SI: variants seen among roughly 807,000 people sequenced by gnomAD.
SI encodes sucrase-isomaltase, intestinal.
A neutral mutation model predicts 253.3 loss-of-function variants in SI; 235 were observed. The observed-to-expected ratio is 0.93, with a 90% CI of 0.83 to 1.03. The LOEUF (loss-of-function observed/expected upper bound fraction) is 1.03, where lower values mean the gene tolerates loss of function less well. Among genes scored for constraint, SI ranks in the 50% least tolerant of loss-of-function variants. The pLI is 0.00. For synonymous variants in SI, 819 were observed against 712.0 expected (o/e 1.15, Z -2.39); for missense variants, 2,442 against 2,211.1 (o/e 1.10, Z -2.09).
chr3:165,040,598 T>C (rs1241999070), intron 18 of SI, among the ~76,000 whole-genome samples: 9 of 152,058 alleles, frequency 5.9e-5, no homozygotes, highest in African/African-American at 1.9e-4. Flanking sequence ...TTTTGTAAGT[T>C]TTATACTCTA....
intron 37 of SI, among the ~76,000 whole-genome samples, chr3:165,003,151 A>G (rs1718335501): frequency 6.6e-6 from 1 of 151,912 alleles, no homozygotes; most frequent in Non-Finnish European, 1.5e-5. Flanking sequence ...TAAATTTACT[A>G]AGCATCCACA....
intron 23 of SI, 121 bp from the exon 24 acceptor site, chr3:165,032,813 C>T (rs1028893755): frequency 1.3e-4 from 82 of 614,916 alleles, no homozygotes; most frequent in Middle Eastern, 3.9e-4. Context: ...ACCAGCTCTC[C>T]TCATCCAAGT....
rs59796544 is a variant in SI, at chr3:165,073,170, T to TTCTCTC, written c.255+1355_255+1360dup. 7.3e-4 allele frequency among the ~76,000 whole-genome samples: 97 copies of TTCTCTC among 132,008 alleles called. 1 individual carries two copies. The highest frequency in any genetic ancestry group is 1.8e-3 in the African/African-American group (62 of 33,766). The allele number at this position is 132,008 out of a possible 152,430, so 86.6% of individuals were successfully genotyped here. On this transcript the variant is annotated intron_variant, in intron 3 of 47. Coordinates refer to ENST00000264382, the MANE Select transcript of SI (RefSeq NM_001041.4). ...GAATTCTATGTTTAGCTTCAATCAT[T>TTCTCTC]TCTCTCTCTCTCTCTCTCTCTCTCT... is the stretch of plus-strand genomic sequence containing the variant.
intron 3 of SI, among the ~76,000 whole-genome samples, chr3:165,070,127 A>ATT (rs1472442750): frequency 6.8e-6 from 1 of 146,754 alleles, no homozygotes; most frequent in African/African-American, 2.5e-5. Context: ...TTAAATAGAT[A>ATT]AGTATATGGG....
chr3:165,037,755 A>T, intron 21 of SI, 145 bp downstream of exon 21: 2 of 512,406 alleles, frequency 3.9e-6, no homozygotes, highest in Non-Finnish European at 7.0e-6. Context: ...TTTTATAGCT[A>T]TGATGGTTAT....
In SI at chr3:165,067,450, C is replaced by G. The variant is rs1206066157; in HGVS notation, c.525G>C (p.Gln175His). 3 of 1,611,616 alleles carry G rather than the reference C, an allele frequency of 1.9e-6. No homozygotes were observed. The highest frequency in any genetic ancestry group is 2.5e-6 in the Non-Finnish European group (3 of 1,178,004). ...TGGGTCCAGTAAACTCTTTTACATA[C>G]TGATGAGGAACTTCATATCTTCTAT... ...PNNRRYEVPH[Q>H]YVKEFTGPTV... Residue 175 changes from glutamine (Q) to histidine (H), a missense_variant, in exon 6 of 48, where the codon CAG becomes CAC. Transcript: ENST00000264382.
intron 21 of SI, 105 bp from the exon 22 acceptor site, chr3:165,036,582 T>G: frequency 1.4e-6 from 1 of 717,438 alleles, no homozygotes; most frequent in South Asian, 1.6e-5. Flanking sequence ...GGGCCCTGAA[T>G]TCAGTAAGGA....
At chr3:164,995,320 A>G (rs537291625) in intron 40 of SI, among the ~76,000 whole-genome samples, 1 of 151,858 alleles carries the variant, frequency 6.6e-6, no homozygotes, top group East Asian at 1.9e-4. Flanking sequence ...GCTGTATGTA[A>G]TCCTATTGCT....
chr3:165,057,019 A>T (rs541113463), intron 12 of SI, among the ~76,000 whole-genome samples: 10 of 152,198 alleles, frequency 6.6e-5, no homozygotes, highest in Middle Eastern at 6.8e-3. Flanking sequence ...AATCCTGGAA[A>T]GACAGAGATG....
At chr3:165,043,214 T>C (rs1433852048) in intron 16 of SI, 39 bp from the exon 17 acceptor site, 2 of 1,413,862 alleles carry the variant, frequency 1.4e-6, no homozygotes, top group Admixed American at 3.4e-5. Flanking sequence ...AATGTTAAGA[T>C]TCTCAAATTT....
intron 12 of SI, among the ~76,000 whole-genome samples, chr3:165,055,740 G>A (rs1320725939): frequency 6.6e-6 from 1 of 151,954 alleles, no homozygotes; most frequent in Non-Finnish European, 1.5e-5. Flanking sequence ...GAATAAACAT[G>A]AATATGATAC....
chr3:165,070,120 A>T (rs1714461693), intron 3 of SI, among the ~76,000 whole-genome samples: 1 of 146,804 alleles, frequency 6.8e-6, no homozygotes, highest in African/African-American at 2.5e-5. Flanking sequence ...ATAATATTTA[A>T]ATAGATAAGT....
the SI span, among the ~76,000 whole-genome samples, chr3:165,088,693 G>T: frequency 2.7e-4 from 41 of 151,436 alleles, no homozygotes; most frequent in Non-Finnish European, 4.6e-4. Flanking sequence ...AACAACATGG[G>T]TCAAATTGCT....
At position 165,009,031 on chromosome 3, in the gene SI, T is replaced by C. The variant is rs766356139; in HGVS notation, c.4179+248A>G. On this transcript the variant is annotated intron_variant, in intron 35 of 47. Transcript: ENST00000264382. ...ATAAATATTTACAAGGATTTATTAA[T>C]ATATAGAATATTTTGCTTTTTGAAT... Among the ~76,000 whole-genome samples, 40 of 152,084 alleles carry C rather than the reference T, an allele frequency of 2.6e-4. 1 individual carries two copies. Among genetic ancestry groups the C allele is most frequent in the Admixed American group, 1.0e-3 (16 of 15,260 alleles).
upstream of SI, among the ~76,000 whole-genome samples, chr3:165,081,109 A>C (rs2108127888): frequency 6.6e-6 from 1 of 152,108 alleles, no homozygotes; most frequent in Admixed American, 6.6e-5. Flanking sequence ...TTAGAAGGTA[A>C]ATTCAGATAA....
At chr3:165,002,346 T>A (rs1018970751) in intron 37 of SI, among the ~76,000 whole-genome samples, 1 of 151,762 alleles carries the variant, frequency 6.6e-6, no homozygotes, top group African/African-American at 2.4e-5. Flanking sequence ...AAGCTTTTTT[T>A]ATTTGCCATT....
intron 27 of SI, 108 bp downstream of exon 27, chr3:165,021,121 T>C: frequency 2.1e-6 from 2 of 930,336 alleles, no homozygotes; most frequent in Non-Finnish European, 3.4e-6. Flanking sequence ...GTCTTAAATT[T>C]TTTTGTGTGA....
chr3:164,982,884 C>T (rs889611777), intron 46 of SI, 118 bp downstream of exon 46: 1 of 976,610 alleles, frequency 1.0e-6, no homozygotes, highest in Non-Finnish European at 1.5e-6. Flanking sequence ...CCCCTGGCCT[C>T]AAGCAATCCT....
At chr3:165,090,093 G>T in the SI span, among the ~76,000 whole-genome samples, 10 of 151,598 alleles carry the variant, frequency 6.6e-5, no homozygotes, top group Admixed American at 4.6e-4. Context: ...TTAGGAGATC[G>T]GAGTTAATTA....
Sources: gnomAD v4.1 joint callset for allele counts (sites outside exome capture counted in the v4.1 genomes callset) on GRCh38, gnomAD v4.1.1 for gene constraint, MANE v1.5 for transcripts, NCBI Gene and HGNC (gene_info 2026-07-23, HGNC 2026-07-21) for gene names.